The following MYO5B variants were observed in gnomAD, a reference collection of about 807,000 sequenced individuals.
MYO5B encodes the protein myosin VB.
In MYO5B, 143 loss-of-function variants were observed where a neutral mutation model predicts 229.3. That is an observed-to-expected ratio of 0.62 (90% CI 0.54 to 0.72). The LOEUF (loss-of-function observed/expected upper bound fraction) is 0.72, where lower values mean the gene tolerates loss of function less well. MYO5B is among the 30% of genes least tolerant of loss of function. The pLI, the probability that MYO5B is intolerant of heterozygous loss-of-function variation, is 0.00. For missense variants in MYO5B, 2,321 were observed against 2,331.0 expected, an observed-to-expected ratio of 1.00 and a Z score of 0.09; for synonymous variants, 918 against 885.2, an observed-to-expected ratio of 1.04 and a Z score of -0.66.
At chr18:49,903,953 C>G (rs916224050) in intron 20 of MYO5B, among the ~76,000 whole-genome samples, 3 of 152,200 alleles carry the variant, frequency 2.0e-5, no homozygotes, top group Non-Finnish European at 4.4e-5. Context: ...GGAGTTAGAC[C>G]TGATGATGCC....
At chr18:50,078,209 G>A (rs565948453) in intron 1 of MYO5B, among the ~76,000 whole-genome samples, 3 of 152,336 alleles carry the variant, frequency 2.0e-5, no homozygotes, top group African/African-American at 7.2e-5. Flanking sequence ...ACAGGGAAAG[G>A]AAATTGATCA....
chr18:50,032,726 C>G (rs1195316009), intron 4 of MYO5B, among the ~76,000 whole-genome samples: 2 of 152,200 alleles, frequency 1.3e-5, no homozygotes, highest in Non-Finnish European at 2.9e-5. Flanking sequence ...AGGCTCATGC[C>G]TATAACCCCA....
chr18:50,100,923 G>A (rs76387318), intron 1 of MYO5B, among the ~76,000 whole-genome samples: 1 of 152,114 alleles, frequency 6.6e-6, no homozygotes, highest in Non-Finnish European at 1.5e-5. Context: ...ACAGGGCTTG[G>A]GCCAATGAAA....
At position 49,933,307 on chromosome 18, in the gene MYO5B, CTT is replaced by C. The variant is rs560814164; in HGVS notation, c.2003+2943_2003+2944del. Among the ~76,000 whole-genome samples, 14 of 152,374 alleles carry C rather than the reference CTT, an allele frequency of 9.2e-5. No individual in the cohort carries two copies. The South Asian group carries it at 2.7e-3, about 29-fold the overall frequency. Reference sequence around the variant, plus strand: ...GCTGCTCTGGATACTTCATCTCTCTCTTGCCTCTGCCCTGTCAGCACTTTCAC... The same window carrying C: ...GCTGCTCTGGATACTTCATCTCTCTCGCCTCTGCCCTGTCAGCACTTTCAC... On this transcript the variant is annotated intron_variant, in intron 16 of 39. Transcript: ENST00000285039.
At chr18:50,191,307 C>T (rs934155982) in intron 1 of MYO5B, among the ~76,000 whole-genome samples, 2 of 152,160 alleles carry the variant, frequency 1.3e-5, no homozygotes, top group Admixed American at 1.3e-4. Flanking sequence ...GAACTGGAAA[C>T]CCATTAACAG....
intron 39 of MYO5B, among the ~76,000 whole-genome samples, chr18:49,830,815 G>A (rs979390412): frequency 1.5e-5 from 2 of 133,792 alleles, no homozygotes; most frequent in African/African-American, 5.6e-5. Context: ...GGGTGATAGA[G>A]TGAGACTCTG....
At position 49,900,074 on chromosome 18, in the gene MYO5B, G is replaced by C. The variant is rs1038010255; in HGVS notation, c.2811+2520C>G. 9.2e-5 allele frequency among the ~76,000 whole-genome samples: 14 copies of C among 152,330 alleles called. No homozygotes were observed. In the East Asian group the frequency reaches 2.1e-3, roughly 23 times the overall value. ...CAGAGCCCCAAGGCTGGAAAGCAAG[G>C]CCTGGGGGAGCCAGCATGTACACAG... On this transcript the variant is annotated intron_variant, in intron 21 of 39. Coordinates refer to ENST00000285039, the MANE Select transcript of MYO5B (RefSeq NM_001080467.3).
At chr18:49,847,458 C>CCACTCT (rs1378845379) in intron 32 of MYO5B, among the ~76,000 whole-genome samples, 169 bp from the exon 33 acceptor site, 3 of 152,172 alleles carry the variant, frequency 2.0e-5, no homozygotes, top group African/African-American at 7.2e-5. Context: ...CTCCAAACTT[C>CCACTCT]CACTCTCTTT....
chr18:50,012,698 T>C (rs915694844), intron 4 of MYO5B, among the ~76,000 whole-genome samples: 1 of 152,258 alleles, frequency 6.6e-6, no homozygotes, highest in African/African-American at 2.4e-5. Context: ...CAGGGAACTA[T>C]TGCTCAGCAT....
intron 36 of MYO5B, 119 bp from the exon 37 acceptor site, chr18:49,837,921 G>A: frequency 1.5e-6 from 2 of 1,320,686 alleles, no homozygotes; most frequent in Non-Finnish European, 2.2e-6. Flanking sequence ...GGTGTGCAAT[G>A]TTGACATGCT....
intron 16 of MYO5B, among the ~76,000 whole-genome samples, chr18:49,935,301 T>G (rs985508030): frequency 3.3e-5 from 5 of 152,114 alleles, no homozygotes; most frequent in African/African-American, 1.2e-4. Flanking sequence ...AATTCAGAAT[T>G]CAGTTCCTCA....
intron 1 of MYO5B, among the ~76,000 whole-genome samples, chr18:50,192,885 A>G (rs1287030756): frequency 1.3e-5 from 2 of 152,224 alleles, no homozygotes; most frequent in Non-Finnish European, 2.9e-5. Context: ...GTTGAGAAAT[A>G]AAGTTTATAT....
chr18:50,021,290 G>A (rs11082799), intron 4 of MYO5B, among the ~76,000 whole-genome samples: 148,898 of 152,262 alleles, frequency 0.98, 72,900 homozygotes, highest in East Asian at 1. Context: ...ACAGCTAGAA[G>A]CACAGGTTCT....
intron 1 of MYO5B, among the ~76,000 whole-genome samples, chr18:50,185,290 A>T (rs1046493854): frequency 6.4e-5 from 9 of 140,640 alleles, no homozygotes; most frequent in South Asian, 2.2e-4. Flanking sequence ...ATAAGAATTT[A>T]AAAAAAAAAA....
chr18:50,082,582 C>T (rs2031244172), intron 1 of MYO5B, among the ~76,000 whole-genome samples: 1 of 152,112 alleles, frequency 6.6e-6, no homozygotes, highest in African/African-American at 2.4e-5. Context: ...ACTGTGAGAC[C>T]CAATCCTTCC....
intron 1 of MYO5B, among the ~76,000 whole-genome samples, chr18:50,074,652 T>A (rs1026704054): frequency 1.3e-5 from 2 of 152,172 alleles, no homozygotes; most frequent in South Asian, 2.1e-4. Flanking sequence ...AACATCGCCT[T>A]CCTTGAAGAG....
chr18:50,026,719 A>G (rs60024710), intron 4 of MYO5B, among the ~76,000 whole-genome samples: 1,814 of 152,330 alleles, frequency 0.012, 29 homozygotes, highest in African/African-American at 0.042. Flanking sequence ...TGCCATCAGT[A>G]CTATCACCAC....
At chr18:50,109,413 G>A (rs1298513659) in intron 1 of MYO5B, among the ~76,000 whole-genome samples, 4 of 149,550 alleles carry the variant, frequency 2.7e-5, no homozygotes, top group Middle Eastern at 3.2e-3. Context: ...CTGGTCCGCT[G>A]GTCATGATTT....
intron 13 of MYO5B, 145 bp downstream of exon 13, chr18:49,954,168 G>T: frequency 8.1e-7 from 1 of 1,240,024 alleles, no homozygotes; most frequent in Non-Finnish European, 1.2e-6. Context: ...AGAGGGGTGG[G>T]TAAAAGAGGA....
Sources: gnomAD v4.1 joint callset for allele counts (sites outside exome capture counted in the v4.1 genomes callset) on GRCh38, gnomAD v4.1.1 for gene constraint, MANE v1.5 for transcripts, NCBI Gene and HGNC (gene_info 2026-07-23, HGNC 2026-07-21) for gene names.